Variants in RADIL observed in about 807,000 individuals in gnomAD.
RADIL encodes Rap associating with DIL domain.
In RADIL, 99 loss-of-function variants were observed where a neutral mutation model predicts 97.6. The ratio of observed to expected loss-of-function variants is 1.01; its 90% confidence interval spans 0.86 to 1.20. The LOEUF (loss-of-function observed/expected upper bound fraction) is 1.20, where lower values mean the gene tolerates loss of function less well. Among genes scored for constraint, RADIL ranks in the 50% most tolerant of loss-of-function variants. The pLI, the probability that RADIL is intolerant of heterozygous loss-of-function variation, is 0.00. For synonymous variants in RADIL, 803 were observed against 691.8 expected (o/e 1.16, Z -2.52); for missense variants, 1,765 against 1,498.9 (o/e 1.18, Z -2.93).
rs140414058 is a variant in RADIL, at chr7:4,811,796, T to G, written c.2139+3482A>C. On this transcript the variant is annotated intron_variant, in intron 9 of 14. Transcript: ENST00000399583. Reference sequence around the variant, plus strand: ...GCCACCGCGCCTGGCCTAATTCTTCTTTAATGTTTAAAATAATTCACCAAT... The same window carrying G: ...GCCACCGCGCCTGGCCTAATTCTTCGTTAATGTTTAAAATAATTCACCAAT... 7.4e-3 allele frequency among the ~76,000 whole-genome samples: 1,131 copies of G among 152,136 alleles called. 12 individuals are homozygous for G. The highest frequency in any genetic ancestry group is 0.026 in the African/African-American group (1,096 of 41,514).
chr7:4,809,002 C>CG, intron 9 of RADIL: 1 of 713,990 alleles, frequency 1.4e-6, no homozygotes, highest in South Asian at 7.2e-5. Flanking sequence ...CCCGCGTCCC[C>CG]TTCCGACGCC....
Position 4,883,577 on chromosome 7 carries a change from T to A in RADIL, c.-65+19A>T, listed in dbSNP as rs1784528913. 6.6e-6 allele frequency: 1 copy of A among 151,970 alleles called. No homozygotes were observed. Among genetic ancestry groups the A allele is most frequent in the South Asian group, 2.1e-4 (1 of 4,832 alleles). 9.4% of individuals were successfully genotyped at this position (151,970 alleles called of 1,614,324 possible). ...CCACCCCCGGTTCCGCAGTCACTCC[T>A]CGCGCACCCCACACTCACCTCCGGC... On this transcript the variant is annotated intron_variant, in intron 1 of 14. Transcript: ENST00000399583. This position sits in a 1 kb window ranked among gnomAD's most constrained non-coding sequence, Gnocchi z 7.1.
chr7:4,819,947 T>C lies in RADIL; in HGVS notation c.1615+2447A>G, dbSNP rs569707160. ...CAACAGCCCAGAGCAATTTTTCCCA[T>C]GAAGAGCAGCCAGCACGGGGACCAC... On this transcript the variant is annotated intron_variant, in intron 6 of 14. Transcript: ENST00000399583. This position sits in a 1 kb window ranked among gnomAD's most constrained non-coding sequence, Gnocchi z 5.8. Among the ~76,000 whole-genome samples, 2 of 152,116 alleles carry C rather than the reference T, an allele frequency of 1.3e-5. No homozygotes were observed. The highest frequency in any genetic ancestry group is 2.9e-5 in the Non-Finnish European group (2 of 68,024).
At chr7:4,809,975 C>T (rs1389384384) in intron 9 of RADIL, among the ~76,000 whole-genome samples, 2 of 152,052 alleles carry the variant, frequency 1.3e-5, no homozygotes, top group South Asian at 2.1e-4. Context: ...GTCTCAGCCT[C>T]CTGAATAGCT....
intron 5 of RADIL, among the ~76,000 whole-genome samples, chr7:4,830,831 G>A (rs575171465): frequency 8.5e-5 from 13 of 152,168 alleles, no homozygotes; most frequent in East Asian, 5.8e-4. Context: ...TGGCTAACAC[G>A]GTGAAACCCC....
chr7:4,844,241 C>T (rs1327698749), intron 2 of RADIL, among the ~76,000 whole-genome samples: 3 of 152,000 alleles, frequency 2.0e-5, no homozygotes, highest in African/African-American at 4.8e-5. Flanking sequence ...GTCAAGAGAT[C>T]GAGACCATCC....
At chr7:4,800,057 T>C in intron 13 of RADIL, 114 bp downstream of exon 13, 1 of 1,403,608 alleles carries the variant, frequency 7.1e-7, no homozygotes, top group Non-Finnish European at 9.4e-7. Flanking sequence ...CCCACTCTCC[T>C]CCCCGAAGGC....
chr7:4,844,461 A>C (rs961508028), intron 2 of RADIL, among the ~76,000 whole-genome samples: 5 of 152,172 alleles, frequency 3.3e-5, no homozygotes, highest in African/African-American at 1.2e-4. Context: ...CAAGAAAAGA[A>C]AAGAAAGAAG....
chr7:4,805,515 C>T (rs748227306), intron 10 of RADIL, 51 bp downstream of exon 10: 24 of 1,499,382 alleles, frequency 1.6e-5, no homozygotes, highest in Admixed American at 1.3e-4. Context: ...AGCCTCGGGG[C>T]GAGTCTCCCA....
At chr7:4,860,186 G>C in intron 2 of RADIL, 1 of 1,613,996 alleles carries the variant, frequency 6.2e-7, no homozygotes, top group Non-Finnish European at 8.5e-7. Flanking sequence ...TGTCTTCATA[G>C]TGCTAGTAGA....
rs140641888 is a variant in RADIL at position 4,800,360 on chromosome 7, G to T, written c.2843-50C>A. The T allele has an allele frequency of 3.5e-6, 5 of 1,410,188 alleles. No homozygotes were observed. In the South Asian group the frequency reaches 4.6e-5, roughly 13 times the overall value. The allele number at this position is 1,410,188 out of a possible 1,614,324, so 87.4% of individuals were successfully genotyped here. ...GTGGGAGTGAGGCGCCAGGAATCAC[G>T]ACGAGGAATGGGATGTCCTGGCCTG... On this transcript the variant is annotated intron_variant, in intron 12 of 14. Coordinates refer to ENST00000399583, the MANE Select transcript of RADIL (RefSeq NM_018059.5).
chr7:4,825,662 G>T (rs1010074620), intron 5 of RADIL, among the ~76,000 whole-genome samples: 1 of 150,568 alleles, frequency 6.6e-6, no homozygotes, highest in African/African-American at 2.4e-5. Flanking sequence ...AGATTACAAA[G>T]GTCAGGAGTT....
At position 4,799,336 on chromosome 7, in the gene RADIL, G is replaced by A. The variant is rs1410908870; in HGVS notation, c.*42C>T. 1.9e-6 allele frequency: 3 copies of A among 1,582,058 alleles called. No homozygotes were observed. Among genetic ancestry groups the A allele is most frequent in the Middle Eastern group, 1.7e-4 (1 of 6,006 alleles). ...GGGAGGAAGCCCAGTGTCACCAGGT[G>A]GGACCGGGTGCCGGGCCTGTGGGGG... On this transcript the variant is annotated 3_prime_UTR_variant, in exon 15 of 15. Coordinates refer to ENST00000399583, the MANE Select transcript of RADIL (RefSeq NM_018059.5).
chr7:4,870,875 G>T (rs994919016), intron 2 of RADIL, among the ~76,000 whole-genome samples: 1 of 152,224 alleles, frequency 6.6e-6, no homozygotes, highest in Admixed American at 6.5e-5. Flanking sequence ...GCAGGAGGGG[G>T]TGCTGCCCCT....
rs549539176 is a variant in RADIL at position 4,837,458 on chromosome 7, G to T, written c.536-853C>A. ...TGTGCCACATCACCCCAGCCCATGG[G>T]GCTGCCGATGGCCTGCTCCTGCAAC... On this transcript the variant is annotated intron_variant, in intron 2 of 14. Transcript: ENST00000399583. The surrounding 1 kb of genome is among the most constrained non-coding windows in gnomAD (Gnocchi z 5.6). 7.2e-5 allele frequency among the ~76,000 whole-genome samples: 11 copies of T among 152,296 alleles called. No homozygotes were observed. Among genetic ancestry groups the T allele is most frequent in the East Asian group, 3.9e-4 (2 of 5,178 alleles).
chr7:4,842,631 C>T lies in RADIL; in HGVS notation c.536-6026G>A, dbSNP rs1783469112. Among the ~76,000 whole-genome samples, 1 of 152,162 alleles carries T rather than the reference C, an allele frequency of 6.6e-6. No individual in the cohort carries two copies. Among genetic ancestry groups the T allele is most frequent in the South Asian group, 2.1e-4 (1 of 4,830 alleles). Reference sequence around the variant, plus strand: ...GCTCTTCCTGAACGTTGCTCAATTCCTCTATAAACTCAGCCGGCAGCTTTC... The same window carrying T: ...GCTCTTCCTGAACGTTGCTCAATTCTTCTATAAACTCAGCCGGCAGCTTTC... On this transcript the variant is annotated intron_variant, in intron 2 of 14. Coordinates refer to ENST00000399583, the MANE Select transcript of RADIL (RefSeq NM_018059.5). The surrounding 1 kb of genome is among the most constrained non-coding windows in gnomAD (Gnocchi z 4.5).
rs571461752 is a variant in RADIL, at chr7:4,860,147, C to T, written c.535+17458G>A. On this transcript the variant is annotated intron_variant, in intron 2 of 14. Coordinates refer to ENST00000399583, the MANE Select transcript of RADIL (RefSeq NM_018059.5). ...CATTACAGCCAAGGCAGGACTGTTT[C>T]TACCCTGAGAACTGCTAATCAATGG... is the stretch of plus-strand genomic sequence containing the variant. 9.3e-6 allele frequency: 15 copies of T among 1,614,040 alleles called. No homozygotes were observed. In the South Asian group the frequency reaches 1.2e-4, roughly 13 times the overall value.
At chr7:4,823,331 CTTT>C (rs60439750) in intron 5 of RADIL, among the ~76,000 whole-genome samples, 20 of 129,552 alleles carry the variant, frequency 1.5e-4, no homozygotes, top group Admixed American at 3.1e-4. Flanking sequence ...TATTAAAAAC[CTTT>C]TTTTTTTTTT....
At chr7:4,833,693 G>A (rs2130281) in intron 4 of RADIL, among the ~76,000 whole-genome samples, 76,457 of 152,048 alleles carry the variant, frequency 0.5, 19,514 homozygotes, top group South Asian at 0.64. Context: ...GGGGATAAGC[G>A]GGGCCCAGAC....
Sources: allele counts gnomAD v4.1 joint callset (sites outside exome capture counted in the v4.1 genomes callset), GRCh38; gene constraint gnomAD v4.1.1; non-coding constraint Gnocchi (gnomAD v3.1); transcripts MANE v1.5; gene names NCBI Gene and HGNC (gene_info 2026-07-23, HGNC 2026-07-21).